The following RFX7 variants were observed in gnomAD, a reference collection of about 807,000 sequenced individuals.
The protein encoded by RFX7 is regulatory factor X7, also known as DNA-binding protein RFX7.
Under a neutral mutation model 111.8 loss-of-function variants are expected in RFX7, and 26 were observed. The ratio of observed to expected loss-of-function variants is 0.23; its 90% CI spans 0.17 to 0.32. RFX7 has a LOEUF of 0.32. Among genes scored for constraint, RFX7 ranks in the 10% least tolerant of loss-of-function variants. RFX7 has a pLI of 1.00. For missense variants in RFX7, 1,573 were observed against 1,772.9 expected (o/e 0.89, Z 2.02); for synonymous variants, 624 against 624.4 (o/e 1.00, Z 0.01).
At chr15:56,178,439 CCAA>C (rs1337702916) in intron 3 of RFX7, among the ~76,000 whole-genome samples, 3 of 152,016 alleles carry the variant, frequency 2.0e-5, no homozygotes, top group Non-Finnish European at 4.4e-5. Flanking sequence ...ACCACCACCA[CCAA>C]CAACAACATA....
chr15:56,113,836 A>C (rs957917320), intron 5 of RFX7, among the ~76,000 whole-genome samples: 21 of 152,186 alleles, frequency 1.4e-4, no homozygotes, highest in Non-Finnish European at 2.8e-4. Flanking sequence ...TTAGTATTCA[A>C]ATATTATAAA....
chr15:56,171,230 T>C (rs1480797842), intron 3 of RFX7, among the ~76,000 whole-genome samples: 1 of 152,108 alleles, frequency 6.6e-6, no homozygotes, highest in African/African-American at 2.4e-5. Flanking sequence ...GGTTTTTAGG[T>C]TACATGAGTG....
At chr15:56,125,475 A>T (rs1167579492) in intron 5 of RFX7, among the ~76,000 whole-genome samples, 1 of 151,962 alleles carries the variant, frequency 6.6e-6, no homozygotes, top group African/African-American at 2.4e-5. Context: ...AATTCTTCTG[A>T]TCTATGAGCA....
intron 2 of RFX7, among the ~76,000 whole-genome samples, chr15:56,203,861 G>A (rs1044214764): frequency 6.6e-6 from 1 of 151,982 alleles, no homozygotes; most frequent in African/African-American, 2.4e-5. Context: ...CAGTCCTCAG[G>A]GCGTCTCTGT....
intron 5 of RFX7, among the ~76,000 whole-genome samples, chr15:56,140,294 C>T (rs568548615): frequency 5.9e-5 from 9 of 152,340 alleles, no homozygotes; most frequent in African/African-American, 1.9e-4. Context: ...ACCCTCTGAG[C>T]CAGGTGCGGG....
intron 5 of RFX7, among the ~76,000 whole-genome samples, chr15:56,120,427 A>G (rs1469722873): frequency 6.6e-6 from 1 of 152,234 alleles, no homozygotes; most frequent in Non-Finnish European, 1.5e-5. Context: ...ATAAAATCAT[A>G]TCATCTATAA....
chr15:56,239,281 TTTTTTTA>T (rs2141244886), intron 2 of RFX7, among the ~76,000 whole-genome samples: 1 of 152,166 alleles, frequency 6.6e-6, no homozygotes, highest in Admixed American at 6.5e-5. Flanking sequence ...TATACAATTT[TTTTTTTA>T]ACGGAGTTTT....
intron 5 of RFX7, among the ~76,000 whole-genome samples, chr15:56,109,565 G>A (rs1280568234): frequency 3.3e-5 from 5 of 150,686 alleles, no homozygotes; most frequent in South Asian, 2.1e-4. Flanking sequence ...AGTGAGGAGC[G>A]TCTCTGCCCA....
At chr15:56,182,194 C>T (rs1231500844) in intron 2 of RFX7, among the ~76,000 whole-genome samples, 1 of 152,052 alleles carries the variant, frequency 6.6e-6, no homozygotes, top group African/African-American at 2.4e-5. Context: ...GAGCTTGAAT[C>T]ATCCCCAAAC....
intron 5 of RFX7, among the ~76,000 whole-genome samples, chr15:56,140,300 G>C (rs1384581404): frequency 3.3e-5 from 5 of 152,226 alleles, no homozygotes; most frequent in African/African-American, 9.6e-5. Context: ...TGAGCCAGGT[G>C]CGGGATATAA....
chr15:56,136,256 T>A (rs1291609225), intron 5 of RFX7, among the ~76,000 whole-genome samples: 141 of 143,742 alleles, frequency 9.8e-4, no homozygotes, highest in Non-Finnish European at 1.7e-3. Context: ...GAGCATGGAA[T>A]GTTCTTCCAT....
intron 2 of RFX7, among the ~76,000 whole-genome samples, chr15:56,218,056 G>A (rs2043381252): frequency 6.6e-6 from 1 of 150,698 alleles, no homozygotes; most frequent in Non-Finnish European, 1.5e-5. Context: ...CTTTTTTTGG[G>A]TCATCATTCC....
intron 5 of RFX7, among the ~76,000 whole-genome samples, chr15:56,135,190 A>G (rs1169405198): frequency 6.6e-6 from 1 of 152,320 alleles, no homozygotes; most frequent in South Asian, 2.1e-4. Flanking sequence ...GAATCGCCAT[A>G]CTGACTTCCA....
chr15:56,116,510 T>A (rs1299137562), intron 5 of RFX7, among the ~76,000 whole-genome samples: 1 of 152,226 alleles, frequency 6.6e-6, no homozygotes, highest in Non-Finnish European at 1.5e-5. Context: ...GTAAACAGTA[T>A]GACATTCTTA....
chr15:56,150,101 C>T (rs1291171477), intron 3 of RFX7, among the ~76,000 whole-genome samples: 2 of 152,172 alleles, frequency 1.3e-5, no homozygotes, highest in African/African-American at 4.8e-5. Flanking sequence ...ACAGGATAAA[C>T]AAAGCTGCTG....
chr15:56,139,971 G>C (rs371023731), intron 5 of RFX7, among the ~76,000 whole-genome samples: 2,944 of 152,208 alleles, frequency 0.019, 87 homozygotes, highest in African/African-American at 0.064. Context: ...CAGTCTGCCC[G>C]TTCTCAGATC....
chr15:56,162,548 A>G (rs1358781417), intron 3 of RFX7, among the ~76,000 whole-genome samples: 2 of 152,052 alleles, frequency 1.3e-5, no homozygotes, highest in Non-Finnish European at 2.9e-5. Context: ...CAATGGTTAG[A>G]GCATTGTTTA....
At chr15:56,205,591 C>G (rs888890613) in intron 2 of RFX7, among the ~76,000 whole-genome samples, 22 of 152,116 alleles carry the variant, frequency 1.4e-4, no homozygotes, top group African/African-American at 5.3e-4. Context: ...GAGATTTCTA[C>G]TAAACATTTA....
chr15:56,129,767 T>C (rs1187856623), intron 5 of RFX7, among the ~76,000 whole-genome samples: 5 of 152,216 alleles, frequency 3.3e-5, no homozygotes. Flanking sequence ...CTACTTGGCA[T>C]AGTTCAGGCT....
Sources: gnomAD v4.1 joint callset for allele counts (sites outside exome capture counted in the v4.1 genomes callset) on GRCh38, gnomAD v4.1.1 for gene constraint, MANE v1.5 for transcripts, NCBI Gene and HGNC (gene_info 2026-07-23, HGNC 2026-07-21) for gene names.